The following GLRX3 variants were observed in gnomAD, a reference collection of about 807,000 sequenced individuals.
GLRX3 encodes the protein glutaredoxin 3.
GLRX3 carries 22 observed loss-of-function variants against 49.5 expected under a neutral mutation model. That is an observed-to-expected ratio of 0.44 (90% CI 0.32 to 0.63). The LOEUF (loss-of-function observed/expected upper bound fraction) is 0.63, where lower values mean the gene tolerates loss of function less well. Ranked by LOEUF, GLRX3 falls within the 30% of genes least tolerant of loss-of-function variation. The probability of loss-of-function intolerance (pLI) is 0.05; values close to 1 mark genes in which losing one functional copy is unlikely to be tolerated. For missense variants in GLRX3, 385 were observed against 396.3 expected (o/e 0.97, Z 0.24); for synonymous variants, 133 against 140.0 (o/e 0.95, Z 0.35).
chr10:130,167,344 G>A (rs1020528442), intron 6 of GLRX3, among the ~76,000 whole-genome samples: 1 of 152,202 alleles, frequency 6.6e-6, no homozygotes, highest in Non-Finnish European at 1.5e-5. Flanking sequence ...CAGCCTTGGT[G>A]ACTGCTGCGG....
At chr10:130,171,747 C>A in intron 8 of GLRX3, 111 bp downstream of exon 8, 2 of 738,112 alleles carry the variant, frequency 2.7e-6, no homozygotes, top group Non-Finnish European at 2.4e-6. Flanking sequence ...AGGAATATTG[C>A]TTGAGCCCAG....
intron 10 of GLRX3, among the ~76,000 whole-genome samples, chr10:130,176,648 A>G (rs1380900204): frequency 6.6e-6 from 1 of 152,060 alleles, no homozygotes; most frequent in East Asian, 1.9e-4. Flanking sequence ...TTCCTGGGGA[A>G]TGGTCTCACT....
chr10:130,151,570 G>A (rs1261146535), intron 2 of GLRX3, among the ~76,000 whole-genome samples: 1 of 151,356 alleles, frequency 6.6e-6, no homozygotes, highest in Non-Finnish European at 1.5e-5. Context: ...CCCTCCCTGT[G>A]TCCATGTGTT....
chr10:130,165,345 A>G (rs1039181003), intron 4 of GLRX3, among the ~76,000 whole-genome samples: 7 of 152,196 alleles, frequency 4.6e-5, no homozygotes, highest in African/African-American at 1.2e-4. Context: ...CTAGGCTAAT[A>G]GGTTTATAAA....
intron 4 of GLRX3, among the ~76,000 whole-genome samples, chr10:130,164,101 C>T (rs1267448163): frequency 6.6e-6 from 1 of 152,176 alleles, no homozygotes; most frequent in African/African-American, 2.4e-5. Context: ...TCAGCCTAAC[C>T]CCTGCACAGG....
chr10:130,153,558 G>C (rs920594263), intron 2 of GLRX3, among the ~76,000 whole-genome samples: 1 of 152,142 alleles, frequency 6.6e-6, no homozygotes, highest in Non-Finnish European at 1.5e-5. Context: ...GGGCCCCTCA[G>C]CTGCAGGTCT....
chr10:130,168,570 G>T (rs776221897), intron 6 of GLRX3, among the ~76,000 whole-genome samples: 4 of 152,110 alleles, frequency 2.6e-5, no homozygotes, highest in Non-Finnish European at 4.4e-5. Context: ...TCAGCCTCCC[G>T]GGTAGCCGTG....
chr10:130,156,908 T>G (rs2134895469), intron 2 of GLRX3, among the ~76,000 whole-genome samples: 1 of 152,366 alleles, frequency 6.6e-6, no homozygotes, highest in Middle Eastern at 3.4e-3. Flanking sequence ...GTATAAATCC[T>G]ACTTTGACAT....
At chr10:130,143,584 A>C (rs375577385) in intron 1 of GLRX3, among the ~76,000 whole-genome samples, 7 of 151,910 alleles carry the variant, frequency 4.6e-5, no homozygotes, top group African/African-American at 1.7e-4. Context: ...ACTGGAGTGT[A>C]GTGGTATGAT....
At chr10:130,176,074 G>A (rs149074219) in intron 10 of GLRX3, among the ~76,000 whole-genome samples, 8 of 151,912 alleles carry the variant, frequency 5.3e-5, no homozygotes, top group Non-Finnish European at 1.0e-4. Flanking sequence ...AAAACAAATA[G>A]CAAGTAGTAC....
At chr10:130,170,229 T>C (rs1003999227) in intron 7 of GLRX3, among the ~76,000 whole-genome samples, 1 of 152,192 alleles carries the variant, frequency 6.6e-6, no homozygotes, top group African/African-American at 2.4e-5. Flanking sequence ...GACTTTGGCC[T>C]GTTTTAGAGA....
At chr10:130,164,491 G>T (rs1862643364) in intron 4 of GLRX3, among the ~76,000 whole-genome samples, 1 of 152,116 alleles carries the variant, frequency 6.6e-6, no homozygotes, top group African/African-American at 2.4e-5. Flanking sequence ...ATGTTTTTTA[G>T]GGTTTATTGT....
At chr10:130,178,710 T>C (rs1401347953) in intron 10 of GLRX3, among the ~76,000 whole-genome samples, 2 of 152,176 alleles carry the variant, frequency 1.3e-5, no homozygotes, top group East Asian at 3.9e-4. Context: ...TATTTATTTA[T>C]GAATGAATGA....
chr10:130,149,396 C>T (rs1280065362), intron 2 of GLRX3, among the ~76,000 whole-genome samples: 1 of 151,474 alleles, frequency 6.6e-6, no homozygotes, highest in Non-Finnish European at 1.5e-5. Flanking sequence ...GACCCGAGAT[C>T]GCGCTACTGC....
intron 10 of GLRX3, among the ~76,000 whole-genome samples, chr10:130,176,657 C>T (rs1387691981): frequency 1.3e-5 from 2 of 152,080 alleles, no homozygotes; most frequent in Non-Finnish European, 1.5e-5. Flanking sequence ...AATGGTCTCA[C>T]TCCTGGAGGA....
chr10:130,167,960 T>C (rs1862725773), intron 6 of GLRX3, among the ~76,000 whole-genome samples: 1 of 152,166 alleles, frequency 6.6e-6, no homozygotes, highest in Non-Finnish European at 1.5e-5. Context: ...CCTTGGCCCA[T>C]GGAGGCTGTG....
At position 130,179,650 on chromosome 10, in the gene GLRX3, A is replaced by T. The variant is rs1349648626; in HGVS notation, c.*258A>T. 2 of 405,456 alleles carry T rather than the reference A, an allele frequency of 4.9e-6. No individual in the cohort carries two copies. The highest frequency in any genetic ancestry group is 8.9e-6 in the Non-Finnish European group (2 of 224,018). 25.1% of individuals were successfully genotyped at this position (405,456 alleles called of 1,614,324 possible). Reference sequence around the variant, plus strand: ...GTGTATCTTTACAGCAGTATTAAACATACAGCTACTATAATTAACCCACCT... The same window carrying T: ...GTGTATCTTTACAGCAGTATTAAACTTACAGCTACTATAATTAACCCACCT... On this transcript the variant is annotated 3_prime_UTR_variant, in exon 11 of 11. Coordinates refer to ENST00000331244, the MANE Select transcript of GLRX3 (RefSeq NM_006541.5).
At chr10:130,178,901 A>G (rs1429613728) in intron 10 of GLRX3, among the ~76,000 whole-genome samples, 1 of 151,174 alleles carries the variant, frequency 6.6e-6, no homozygotes, top group Non-Finnish European at 1.5e-5. Context: ...ACGGGGTTTC[A>G]CCATGTTGGC....
chr10:130,171,691 C>CGTA, intron 8 of GLRX3, 55 bp downstream of exon 8: 2 of 926,698 alleles, frequency 2.2e-6, no homozygotes, highest in South Asian at 2.6e-5. Flanking sequence ...CCTGGCCAGG[C>CGTA]GTAGTGGCTC....
Sources: gnomAD v4.1 joint callset for allele counts (sites outside exome capture counted in the v4.1 genomes callset) on GRCh38, gnomAD v4.1.1 for gene constraint, MANE v1.5 for transcripts, NCBI Gene and HGNC (gene_info 2026-07-23, HGNC 2026-07-21) for gene names.